OPRM1: variants seen among roughly 807,000 people sequenced by gnomAD.
OPRM1 encodes opioid receptor mu 1, also known as mu-type opioid receptor.
Under a neutral mutation model 31.8 loss-of-function variants are expected in OPRM1, and 27 were observed. That is an observed-to-expected ratio of 0.85 (90% CI 0.63 to 1.17). The LOEUF is 1.17. OPRM1 is among the 50% of genes most tolerant of loss of function. OPRM1 has a pLI of 0.00. For synonymous variants in OPRM1, 196 were observed against 189.9 expected, an observed-to-expected ratio of 1.03 and a Z score of -0.26; for missense variants, 536 against 511.1, an observed-to-expected ratio of 1.05 and a Z score of -0.47.
At chr6:154,218,719 C>G (rs138865945) in intron 3 of OPRM1, among the ~76,000 whole-genome samples, 4 of 152,150 alleles carry the variant, frequency 2.6e-5, no homozygotes, top group Non-Finnish European at 2.9e-5. Context: ...TAATGAAACT[C>G]TATAATGATA....
At chr6:154,194,185 A>C (rs1776393966) in intron 3 of OPRM1, among the ~76,000 whole-genome samples, 4 of 152,212 alleles carry the variant, frequency 2.6e-5, no homozygotes, top group African/African-American at 9.6e-5. Context: ...GGATCACATG[A>C]GATCAGGAGT....
intron 1 of OPRM1, among the ~76,000 whole-genome samples, chr6:154,059,634 G>A (rs1784017733): frequency 6.6e-6 from 1 of 152,124 alleles, no homozygotes. Flanking sequence ...AGGACAGACT[G>A]TGTCTGGTAT....
intron 1 of OPRM1, among the ~76,000 whole-genome samples, chr6:154,027,673 A>G (rs1395576666): frequency 1.3e-5 from 2 of 152,218 alleles, no homozygotes; most frequent in Non-Finnish European, 2.9e-5. Flanking sequence ...ACTGTGGCTG[A>G]AGTAGTACTC....
intron 3 of OPRM1, among the ~76,000 whole-genome samples, chr6:154,211,481 G>C (rs1777961424): frequency 6.6e-6 from 1 of 151,700 alleles, no homozygotes; most frequent in Non-Finnish European, 1.5e-5. Flanking sequence ...CCCATCTCAG[G>C]CACTCACTGG....
At chr6:154,038,653 G>A (rs1221356986), upstream of OPRM1, among the ~76,000 whole-genome samples, 1 of 152,170 alleles carries the variant, frequency 6.6e-6, no homozygotes, top group Non-Finnish European at 1.5e-5. Flanking sequence ...ATTATCTTTA[G>A]TTGACTTTAC....
chr6:154,246,513 T>G, intron 3 of OPRM1: 1 of 1,464,246 alleles, frequency 6.8e-7, no homozygotes. Flanking sequence ...AAATGAACTT[T>G]CCCATAGGGA....
At chr6:154,019,651 A>G (rs1778229893) in intron 1 of OPRM1, among the ~76,000 whole-genome samples, 3 of 151,898 alleles carry the variant, frequency 2.0e-5, no homozygotes, top group African/African-American at 2.4e-5. Context: ...CACACAGTAC[A>G]TAGCTTTTTC....
At chr6:154,025,657 G>T (rs186666645) in intron 1 of OPRM1, among the ~76,000 whole-genome samples, 1 of 151,914 alleles carries the variant, frequency 6.6e-6, no homozygotes, top group Admixed American at 6.6e-5. Context: ...CTGGTTATAT[G>T]GTTTTGTTTG....
chr6:154,188,240 G>A (rs140383345), intron 3 of OPRM1, among the ~76,000 whole-genome samples: 91 of 152,168 alleles, frequency 6.0e-4, no homozygotes, highest in African/African-American at 2.2e-3. Context: ...GAGAAAAATC[G>A]ATGTTAAAAA....
chr6:154,045,255 A>T (rs1780899310), intron 1 of OPRM1, among the ~76,000 whole-genome samples: 1 of 152,094 alleles, frequency 6.6e-6, no homozygotes, highest in South Asian at 2.1e-4. Context: ...AAAAAAAAGT[A>T]CTAGGGGTAA....
intron 3 of OPRM1, among the ~76,000 whole-genome samples, chr6:154,140,327 A>ATTTTTTTTTTTTTTTTTTTTTTTTT (rs1319655147): frequency 8.3e-6 from 1 of 121,200 alleles, no homozygotes. Context: ...CGTTTATGTT[A>ATTTTTTTTTTTTTTTTTTTTTTTTT]TTTTATTTTT....
intron 1 of OPRM1, among the ~76,000 whole-genome samples, chr6:154,071,444 G>A (rs1393327091): frequency 1.3e-5 from 2 of 152,104 alleles, no homozygotes; most frequent in African/African-American, 4.8e-5. Flanking sequence ...TCTAATTGCT[G>A]ATTTTTGTCA....
intron 1 of OPRM1, among the ~76,000 whole-genome samples, chr6:154,084,497 A>G (rs958292252): frequency 6.6e-6 from 1 of 152,084 alleles, no homozygotes; most frequent in African/African-American, 2.4e-5. Context: ...TAATGGATCA[A>G]TTAACTCAGG....
intron 3 of OPRM1, among the ~76,000 whole-genome samples, chr6:154,146,907 G>A (rs1316818951): frequency 2.0e-5 from 3 of 152,144 alleles, no homozygotes; most frequent in Non-Finnish European, 4.4e-5. Context: ...AGGGTGGGGC[G>A]TGGGAAGTAA....
At chr6:154,150,155 G>A (rs551428641) in intron 3 of OPRM1, among the ~76,000 whole-genome samples, 2 of 152,174 alleles carry the variant, frequency 1.3e-5, no homozygotes, top group Non-Finnish European at 1.5e-5. Context: ...TTAAATTTGG[G>A]ACACCATTTT....
chr6:154,152,391 A>AGAGAGAGG (rs1562510945), intron 3 of OPRM1, among the ~76,000 whole-genome samples: 1 of 137,470 alleles, frequency 7.3e-6, no homozygotes, highest in Non-Finnish European at 1.6e-5. Context: ...AAAGAAAGAA[A>AGAGAGAGG]GAGAAATAGT....
intron 3 of OPRM1, among the ~76,000 whole-genome samples, chr6:154,189,609 G>A (rs1305366698): frequency 1.3e-5 from 2 of 152,194 alleles, no homozygotes; most frequent in Non-Finnish European, 2.9e-5. Flanking sequence ...AATGCTTAAA[G>A]TGATGGATAT....
At chr6:154,152,347 G>GAAAGAAAAGA in intron 3 of OPRM1, among the ~76,000 whole-genome samples, 5 of 65,202 alleles carry the variant, frequency 7.7e-5, no homozygotes, top group African/African-American at 2.8e-4. Context: ...AAGAAAGAAA[G>GAAAGAAAAGA]GAAAGAAAGA....
At chr6:154,163,122 AG>A (rs1334019420) in intron 3 of OPRM1, among the ~76,000 whole-genome samples, 3 of 152,124 alleles carry the variant, frequency 2.0e-5, no homozygotes, top group African/African-American at 7.2e-5. Flanking sequence ...AACCTTCCAG[AG>A]GGTCACTGTC....
Sources: allele counts gnomAD v4.1 joint callset (sites outside exome capture counted in the v4.1 genomes callset), GRCh38; gene constraint gnomAD v4.1.1; transcripts MANE v1.5; gene names NCBI Gene and HGNC (gene_info 2026-07-23, HGNC 2026-07-21).